MAPKAP1: variants seen among roughly 807,000 people sequenced by gnomAD.
MAPKAP1 encodes target of rapamycin complex 2 subunit MAPKAP1.
Under a neutral mutation model 65.7 loss-of-function variants are expected in MAPKAP1, and 20 were observed. That is an observed-to-expected ratio of 0.30 (90% CI 0.21 to 0.44). The LOEUF (loss-of-function observed/expected upper bound fraction) is 0.44. Ranked by LOEUF, MAPKAP1 falls within the 20% of genes least tolerant of loss-of-function variation. MAPKAP1 has a pLI of 1.00. For missense variants in MAPKAP1, 423 were observed against 648.0 expected (o/e 0.65, Z 3.77); for synonymous variants, 222 against 244.3 (o/e 0.91, Z 0.85).
At chr9:125,459,705 C>T (rs893983938) in intron 10 of MAPKAP1, among the ~76,000 whole-genome samples, 1 of 152,166 alleles carries the variant, frequency 6.6e-6, no homozygotes, top group Non-Finnish European at 1.5e-5. Flanking sequence ...ATCGCAGGCA[C>T]TCGGCAGGCT....
intron 4 of MAPKAP1, among the ~76,000 whole-genome samples, chr9:125,609,011 C>G (rs1315136730): frequency 6.6e-6 from 1 of 152,016 alleles, no homozygotes; most frequent in African/African-American, 2.4e-5. Context: ...TAAGAAGATA[C>G]ACAAGAATTA....
chr9:125,443,683 G>A (rs1252885402), intron 11 of MAPKAP1, among the ~76,000 whole-genome samples: 4 of 144,952 alleles, frequency 2.8e-5, no homozygotes, highest in Non-Finnish European at 4.6e-5. Context: ...GCCTAGCCCC[G>A]CCAGCCCCGC....
chr9:125,631,874 C>T (rs1001398279), intron 4 of MAPKAP1, among the ~76,000 whole-genome samples: 1 of 152,164 alleles, frequency 6.6e-6, no homozygotes, highest in Admixed American at 6.5e-5. Context: ...AAGGAGTCTT[C>T]CCTGATATTC....
Position 125,449,655 on chromosome 9 carries a change from G to A in MAPKAP1, c.1346-5057C>T, listed in dbSNP as rs556899127. Among the ~76,000 whole-genome samples the A allele has an allele frequency of 3.3e-5, 5 of 152,198 alleles. No homozygotes were observed. The South Asian group carries it at 1.0e-3, about 32-fold the overall frequency. The stretch of plus-strand genomic sequence containing the variant: ...TAATACCAAGCAGAAACTAATTAGT[G>A]GCACAAATGTCAGAAGTGGAGACGT... On this transcript the variant is annotated intron_variant, in intron 10 of 11. Coordinates refer to ENST00000265960, the MANE Select transcript of MAPKAP1 (RefSeq NM_001006617.3).
intron 4 of MAPKAP1, among the ~76,000 whole-genome samples, chr9:125,636,308 GA>G (rs894393487): frequency 2.0e-4 from 30 of 151,482 alleles, no homozygotes; most frequent in African/African-American, 2.7e-4. Flanking sequence ...ATACAGAAGA[GA>G]AAAAAAATAA....
Position 125,669,870 on chromosome 9 carries a change from G to A in MAPKAP1, c.297C>T (p.Asn99=), listed in dbSNP as rs1276624960. 1 of 1,597,910 alleles carries A rather than the reference G, an allele frequency of 6.3e-7. No individual in the cohort carries two copies. Among genetic ancestry groups the A allele is most frequent in the Non-Finnish European group, 8.5e-7 (1 of 1,170,408 alleles). ...RLERLRKERQ[N]QIKCKNIQWK... ...ACTGAATATTTTTGCATTTGATCTG[G>A]TTTTGTCTCTCTTTTCGGAGTCGTT... The change falls in exon 3 of 12, where the codon AAC becomes AAT. Residue 99 remains asparagine, a synonymous_variant. Coordinates refer to ENST00000265960, the MANE Select transcript of MAPKAP1 (RefSeq NM_001006617.3).
intron 4 of MAPKAP1, among the ~76,000 whole-genome samples, chr9:125,601,402 T>A (rs190226737): frequency 6.6e-6 from 1 of 152,342 alleles, no homozygotes; most frequent in African/African-American, 2.4e-5. Flanking sequence ...TAAAATTGTT[T>A]CCTTAATTTT....
chr9:125,569,403 T>C (rs1174100342), intron 5 of MAPKAP1, among the ~76,000 whole-genome samples: 1 of 152,180 alleles, frequency 6.6e-6, no homozygotes, highest in Admixed American at 6.5e-5. Context: ...CCGGGTTCAA[T>C]TCCCCACCTA....
intron 8 of MAPKAP1, among the ~76,000 whole-genome samples, chr9:125,503,553 C>CAAATTA (rs1829046727): frequency 1.3e-5 from 2 of 152,102 alleles, no homozygotes; most frequent in Admixed American, 1.3e-4. Context: ...ACTTAGTCTG[C>CAAATTA]CTTTACTAGA....
chr9:125,509,828 G>C (rs1829248934), intron 7 of MAPKAP1, among the ~76,000 whole-genome samples: 1 of 152,152 alleles, frequency 6.6e-6, no homozygotes. Flanking sequence ...GGGAAACGTG[G>C]ATCAGGGAAA....
intron 4 of MAPKAP1, among the ~76,000 whole-genome samples, chr9:125,641,834 C>A (rs1833586297): frequency 6.6e-6 from 1 of 152,058 alleles, no homozygotes; most frequent in Non-Finnish European, 1.5e-5. Context: ...GAGATCAAGA[C>A]CAGCCTCACC....
At chr9:125,660,350 T>G (rs1588047873) in intron 3 of MAPKAP1, among the ~76,000 whole-genome samples, 1 of 152,330 alleles carries the variant, frequency 6.6e-6, no homozygotes, top group South Asian at 2.1e-4. Flanking sequence ...GGATGCTAGT[T>G]ATATAAATGT....
rs528933268 is a variant in MAPKAP1 at position 125,687,124 on chromosome 9, C to CT, written c.-69-14482dup. Among the ~76,000 whole-genome samples the CT allele has an allele frequency of 3.4e-3, 449 of 133,338 alleles. 1 individual carries two copies. The highest frequency in any genetic ancestry group is 0.015 in the East Asian group (69 of 4,564). 87.5% of individuals were successfully genotyped at this position (133,338 alleles called of 152,430 possible). A position where few individuals can be genotyped will look rare whatever the true frequency, so the allele number is the denominator to read the frequency against. On this transcript the variant is annotated intron_variant, in intron 1 of 11. Transcript: ENST00000265960. ...TACAGGCCTGAGCCACCATGCCCAT[C>CT]TTTTTTTTTTTTTTTTTTAATGCTA...
chr9:125,537,645 C>A, intron 7 of MAPKAP1, among the ~76,000 whole-genome samples: 1 of 152,270 alleles, frequency 6.6e-6, no homozygotes. Context: ...CCATGCCTGG[C>A]TAATTTTTTA....
At chr9:125,451,270 T>A (rs1852938455) in intron 10 of MAPKAP1, among the ~76,000 whole-genome samples, 1 of 152,232 alleles carries the variant, frequency 6.6e-6, no homozygotes, top group African/African-American at 2.4e-5. Context: ...CTTAAAGTCC[T>A]GGCTTCCCTG....
At chr9:125,544,993 G>A (rs1279579808) in intron 6 of MAPKAP1, among the ~76,000 whole-genome samples, 1 of 152,158 alleles carries the variant, frequency 6.6e-6, no homozygotes, top group East Asian at 1.9e-4. Context: ...TTTAATCCTT[G>A]ACATTCCATT....
At chr9:125,444,456 G>T (rs1194849604) in intron 11 of MAPKAP1, 45 bp downstream of exon 11, 2 of 1,450,060 alleles carry the variant, frequency 1.4e-6, no homozygotes, top group Admixed American at 1.8e-5. Context: ...CTGAAGAGAA[G>T]CTGGACCCAC....
intron 5 of MAPKAP1, chr9:125,565,475 A>G (rs563305771): frequency 5.7e-6 from 1 of 175,964 alleles, no homozygotes; most frequent in East Asian, 1.9e-4. Context: ...AAAATAAAAG[A>G]GCACATGATT....
At chr9:125,469,745 T>C (rs1853827567) in intron 9 of MAPKAP1, among the ~76,000 whole-genome samples, 1 of 152,226 alleles carries the variant, frequency 6.6e-6, no homozygotes. Context: ...ACTCTGGACG[T>C]TCAGGTCTAG....
Sources: gnomAD v4.1 joint callset for allele counts (sites outside exome capture counted in the v4.1 genomes callset) on GRCh38, gnomAD v4.1.1 for gene constraint, MANE v1.5 for transcripts, NCBI Gene and HGNC (gene_info 2026-07-23, HGNC 2026-07-21) for gene names.